The following VWA3B variants were observed in gnomAD, a reference collection of about 807,000 sequenced individuals.
VWA3B encodes von Willebrand factor A domain containing 3B, also known as von Willebrand factor A domain-containing protein 3B.
Under a neutral mutation model 158.3 loss-of-function variants are expected in VWA3B, and 138 were observed. The ratio of observed to expected loss-of-function variants is 0.87; its 90% CI spans 0.76 to 1.00. VWA3B has a LOEUF of 1.00. Among genes scored for constraint, VWA3B ranks in the 50% least tolerant of loss-of-function variants. The pLI is 0.00. For synonymous variants in VWA3B, 596 were observed against 587.3 expected, an observed-to-expected ratio of 1.01 and a Z score of -0.21; for missense variants, 1,555 against 1,565.1, an observed-to-expected ratio of 0.99 and a Z score of 0.11.
At chr2:98,242,328 T>G (rs1019778346) in intron 19 of VWA3B, 4 of 455,646 alleles carry the variant, frequency 8.8e-6, no homozygotes, top group Non-Finnish European at 1.8e-5. Context: ...CCCTAGCAAC[T>G]CTTCATTACA....
At chr2:98,161,069 G>A (rs115725032) in intron 7 of VWA3B, among the ~76,000 whole-genome samples, 90 of 152,316 alleles carry the variant, frequency 5.9e-4, no homozygotes, top group Admixed American at 1.2e-3. Flanking sequence ...GTCTCCTGGG[G>A]TGCCCCGTAG....
At position 98,301,239 on chromosome 2, in the gene VWA3B, G is replaced by A. The variant is rs560445215; in HGVS notation, c.3420+1023G>A. Among the ~76,000 whole-genome samples, 16 of 149,888 alleles carry A rather than the reference G, an allele frequency of 1.1e-4. No individual in the cohort carries two copies. The East Asian group carries it at 1.2e-3, about 11-fold the overall frequency. ...TGGGAGGCAGAGCTTGCAGTGAGCC[G>A]AGATCACACCACTGCACTCCAGCCT... On this transcript the variant is annotated intron_variant, in intron 25 of 27. Transcript: ENST00000477737.
Position 98,312,817 on chromosome 2 carries a change from C to G in VWA3B, c.*468C>G, listed in dbSNP as rs1275142053. On this transcript the variant is annotated 3_prime_UTR_variant, in exon 28 of 28. Transcript: ENST00000477737. ...CTGAGATCTGCAAGACTGAACATCC[C>G]CTACTGTATAGTTTCCTGACATTTT... 6.4e-6 allele frequency: 1 copy of G among 156,828 alleles called. No homozygotes were observed. The highest frequency in any genetic ancestry group is 6.2e-5 in the Admixed American group (1 of 16,060). The allele number at this position is 156,828 out of a possible 1,614,324, so 9.7% of individuals were successfully genotyped here.
rs555190135 is a variant in VWA3B, at chr2:98,278,756, G to C, written c.3045+7873G>C. Among the ~76,000 whole-genome samples, 75 of 152,256 alleles carry C rather than the reference G, an allele frequency of 4.9e-4. 1 individual carries two copies. Among genetic ancestry groups the C allele is most frequent in the Admixed American group, 1.6e-3 (25 of 15,302 alleles). ...AGTTTTTATGGGTACAGGATGGGGG[G>C]GTGGTGTGGGCCAGAGTGGTTTTGA... On this transcript the variant is annotated intron_variant, in intron 22 of 27. Transcript: ENST00000477737.
chr2:98,195,974 A>G (rs1209527803), intron 12 of VWA3B, among the ~76,000 whole-genome samples: 1 of 152,246 alleles, frequency 6.6e-6, no homozygotes, highest in Non-Finnish European at 1.5e-5. Flanking sequence ...CAAATAAATG[A>G]ACCTGGAGGA....
chr2:98,223,305 G>T (rs1433169547), intron 14 of VWA3B, among the ~76,000 whole-genome samples: 1 of 68,582 alleles, frequency 1.5e-5, no homozygotes, highest in Non-Finnish European at 2.8e-5. Flanking sequence ...AGAGAAAATA[G>T]ACCAAAAAAA....
intron 5 of VWA3B, among the ~76,000 whole-genome samples, chr2:98,123,848 A>G (rs942903456): frequency 6.6e-6 from 1 of 152,152 alleles, no homozygotes; most frequent in African/African-American, 2.4e-5. Context: ...AAGGCTGTTT[A>G]CCCAGAGCCC....
intron 13 of VWA3B, 130 bp downstream of exon 13, chr2:98,212,158 T>G: frequency 1.5e-6 from 1 of 688,574 alleles, no homozygotes; most frequent in Admixed American, 2.7e-5. Flanking sequence ...GCTTAGGGAC[T>G]CAGATCTGAG....
intron 3 of VWA3B, 123 bp downstream of exon 3, chr2:98,115,869 G>C: frequency 1.4e-6 from 1 of 708,320 alleles, no homozygotes; most frequent in Non-Finnish European, 2.3e-6. Flanking sequence ...GCCCTTATTA[G>C]GCTGGGGGTT....
chr2:98,311,801 ATC>A lies in VWA3B; in HGVS notation c.3522-10_3522-9del, dbSNP rs746933114. 2 of 1,572,820 alleles carry A rather than the reference ATC, an allele frequency of 1.3e-6. No individual in the cohort carries two copies. The highest frequency in any genetic ancestry group is 1.7e-6 in the Non-Finnish European group (2 of 1,159,866). ...CAGCCATCAAGGCAGGGTAACCCTG[ATC>A]TCTCTCTGTCTCTAGAGAGGATGTG... is the stretch of plus-strand genomic sequence containing the variant. On this transcript the variant is annotated splice_polypyrimidine_tract_variant and intron_variant, in intron 26 of 27. Transcript: ENST00000477737.
intron 14 of VWA3B, 101 bp downstream of exon 14, chr2:98,218,129 A>C: frequency 7.8e-7 from 1 of 1,286,116 alleles, no homozygotes; most frequent in Non-Finnish European, 1.1e-6. Flanking sequence ...GCAACCATAG[A>C]GATAACTAAG....
chr2:98,248,602 C>T (rs570500667), intron 19 of VWA3B, among the ~76,000 whole-genome samples: 2 of 152,260 alleles, frequency 1.3e-5, no homozygotes, highest in African/African-American at 4.8e-5. Flanking sequence ...CCAATGCTGA[C>T]GTCAGGCATT....
chr2:98,215,398 G>A (rs1683893326), intron 13 of VWA3B, among the ~76,000 whole-genome samples: 1 of 149,094 alleles, frequency 6.7e-6, no homozygotes, highest in Non-Finnish European at 1.5e-5. Context: ...CCGAGATCGC[G>A]CCACTGCACT....
intron 14 of VWA3B, among the ~76,000 whole-genome samples, chr2:98,219,728 T>G (rs898175007): frequency 5.3e-5 from 8 of 152,164 alleles, no homozygotes; most frequent in Admixed American, 1.3e-4. Context: ...GTAGTAAAGA[T>G]GACAGCAGAT....
chr2:98,219,689 A>G (rs181618191), intron 14 of VWA3B, among the ~76,000 whole-genome samples: 3 of 152,330 alleles, frequency 2.0e-5, no homozygotes, highest in African/African-American at 7.2e-5. Flanking sequence ...AAAATAATAG[A>G]AAGAAGACAC....
intron 2 of VWA3B, among the ~76,000 whole-genome samples, chr2:98,111,011 A>C (rs1256531046): frequency 1.3e-5 from 2 of 152,194 alleles, no homozygotes; most frequent in Non-Finnish European, 1.5e-5. Context: ...CCCCAGCCAC[A>C]TGGGACTGTA....
At chr2:98,132,719 AAGGGAGCTGGACAT>A (rs1162442257) in intron 6 of VWA3B, among the ~76,000 whole-genome samples, 2 of 152,214 alleles carry the variant, frequency 1.3e-5, no homozygotes, top group Non-Finnish European at 2.9e-5. Context: ...CCTACAGGGC[AAGGGAGCTGGACAT>A]TTCTGCTCTG....
At chr2:98,305,845 A>G (rs1381348859) in intron 26 of VWA3B, among the ~76,000 whole-genome samples, 2 of 152,002 alleles carry the variant, frequency 1.3e-5, no homozygotes, top group African/African-American at 2.4e-5. Flanking sequence ...AGCAGAATCA[A>G]CTTCCTCACA....
At chr2:98,148,425 T>C (rs918731018) in intron 7 of VWA3B, among the ~76,000 whole-genome samples, 11 of 152,364 alleles carry the variant, frequency 7.2e-5, no homozygotes, top group Non-Finnish European at 1.6e-4. Context: ...GTGTTTCTTA[T>C]CACATTGTGT....
Sources: gnomAD v4.1 joint callset for allele counts (sites outside exome capture counted in the v4.1 genomes callset) on GRCh38, gnomAD v4.1.1 for gene constraint, MANE v1.5 for transcripts, NCBI Gene and HGNC (gene_info 2026-07-23, HGNC 2026-07-21) for gene names.